Variants in SGCZ observed in about 807,000 individuals in gnomAD.
SGCZ encodes the protein zeta-sarcoglycan.
A neutral mutation model predicts 41.3 loss-of-function variants in SGCZ; 40 were observed. The observed-to-expected ratio is 0.97, with a 90% CI of 0.75 to 1.26. SGCZ has a LOEUF of 1.26. Ranked by LOEUF, SGCZ falls within the 50% of genes most tolerant of loss-of-function variation. The pLI, the probability that SGCZ is intolerant of heterozygous loss-of-function variation, is 0.00. For synonymous variants in SGCZ, 206 were observed against 137.5 expected (o/e 1.50, Z -3.49); for missense variants, 552 against 369.8 (o/e 1.49, Z -4.04).
chr8:15,166,594 T>G (rs1260849855), intron 1 of SGCZ, among the ~76,000 whole-genome samples: 1 of 152,200 alleles, frequency 6.6e-6, no homozygotes, highest in Non-Finnish European at 1.5e-5. Flanking sequence ...AATGCTAATA[T>G]ATATTGCAAA....
chr8:14,908,611 G>T (rs970491139), intron 1 of SGCZ, among the ~76,000 whole-genome samples: 2 of 151,810 alleles, frequency 1.3e-5, no homozygotes, highest in Admixed American at 1.3e-4. Context: ...TTAGCCGGGC[G>T]TGGTGACAGG....
chr8:14,611,700 T>A (rs1411983902), intron 1 of SGCZ, among the ~76,000 whole-genome samples: 1 of 152,180 alleles, frequency 6.6e-6, no homozygotes, highest in Non-Finnish European at 1.5e-5. Flanking sequence ...AGATTTTTCA[T>A]AAAGAAATAT....
intron 3 of SGCZ, among the ~76,000 whole-genome samples, chr8:14,319,915 A>G (rs1801859718): frequency 1.3e-5 from 2 of 152,182 alleles, no homozygotes; most frequent in African/African-American, 4.8e-5. Flanking sequence ...ATTCTTAACC[A>G]TAAAGACAAG....
At chr8:14,841,947 T>C (rs1563308466) in intron 1 of SGCZ, among the ~76,000 whole-genome samples, 1 of 152,134 alleles carries the variant, frequency 6.6e-6, no homozygotes, top group Admixed American at 6.5e-5. Context: ...AGAATCACCA[T>C]CTCAGAGTAC....
At chr8:14,729,086 G>A (rs1810149933) in intron 1 of SGCZ, among the ~76,000 whole-genome samples, 1 of 152,116 alleles carries the variant, frequency 6.6e-6, no homozygotes. Flanking sequence ...ATTACCATGT[G>A]ACAAATTGAT....
intron 1 of SGCZ, among the ~76,000 whole-genome samples, chr8:15,219,687 C>T (rs928016105): frequency 1.3e-5 from 2 of 152,204 alleles, no homozygotes; most frequent in East Asian, 1.9e-4. Context: ...TAAGTGAATA[C>T]AGAAGGAAAC....
intron 1 of SGCZ, among the ~76,000 whole-genome samples, chr8:15,080,017 C>T (rs1036978358): frequency 6.6e-6 from 1 of 152,154 alleles, no homozygotes; most frequent in Admixed American, 6.6e-5. Flanking sequence ...CTTCTCCAGC[C>T]GGTCCTCTAT....
intron 1 of SGCZ, among the ~76,000 whole-genome samples, chr8:14,755,226 AT>A (rs1425593702): frequency 6.6e-6 from 1 of 151,906 alleles, no homozygotes; most frequent in African/African-American, 2.4e-5. Context: ...TTCTTGTTTG[AT>A]TTTTTTAAAA....
intron 5 of SGCZ, among the ~76,000 whole-genome samples, chr8:14,127,607 T>C (rs1802903321): frequency 6.6e-6 from 1 of 151,770 alleles, no homozygotes; most frequent in Admixed American, 6.6e-5. Flanking sequence ...AGGCACCCAC[T>C]ACCACACCAG....
In SGCZ at chr8:15,009,969, A is replaced by T. The variant is rs138290390; in HGVS notation, c.39+227616T>A. On this transcript the variant is annotated intron_variant, in intron 1 of 7. Transcript: ENST00000382080. The stretch of plus-strand genomic sequence containing the variant: ...TCAAGCTTAAATATAATAAAATGTA[A>T]TAATATAGCACAAAGAGTCCGCTGC... Among the ~76,000 whole-genome samples the T allele has an allele frequency of 4.4e-3, 664 of 152,340 alleles. 6 individuals carry two copies. The highest frequency in any genetic ancestry group is 0.015 in the African/African-American group (631 of 41,584).
At chr8:14,468,512 T>C (rs1801115267) in intron 2 of SGCZ, among the ~76,000 whole-genome samples, 1 of 152,112 alleles carries the variant, frequency 6.6e-6, no homozygotes, top group Non-Finnish European at 1.5e-5. Context: ...TCTTATCTTC[T>C]AGTTTATTAG....
chr8:14,868,719 T>C (rs1804027556), intron 1 of SGCZ, among the ~76,000 whole-genome samples: 1 of 152,124 alleles, frequency 6.6e-6, no homozygotes, highest in South Asian at 2.1e-4. Flanking sequence ...TATGAACATA[T>C]CTTCTTATAA....
At chr8:14,918,217 G>C (rs538790614) in intron 1 of SGCZ, among the ~76,000 whole-genome samples, 1 of 152,130 alleles carries the variant, frequency 6.6e-6, no homozygotes, top group Admixed American at 6.5e-5. Flanking sequence ...CAATGAGACC[G>C]GCTGAATTTG....
chr8:14,747,654 A>G (rs1799373331), intron 1 of SGCZ, among the ~76,000 whole-genome samples: 1 of 108,898 alleles, frequency 9.2e-6, no homozygotes, highest in African/African-American at 3.6e-5. Context: ...GGGAAAGGGT[A>G]CAAGGCATTA....
At chr8:14,795,354 A>T (rs912684415) in intron 1 of SGCZ, among the ~76,000 whole-genome samples, 5 of 152,344 alleles carry the variant, frequency 3.3e-5, no homozygotes, top group Admixed American at 1.3e-4. Context: ...TAATTCACTT[A>T]TAATGTATGA....
intron 2 of SGCZ, among the ~76,000 whole-genome samples, chr8:14,472,480 T>C (rs879170183): frequency 1.3e-5 from 2 of 152,098 alleles, no homozygotes; most frequent in Non-Finnish European, 2.9e-5. Flanking sequence ...GTACTTACTT[T>C]TATCACTTAG....
intron 4 of SGCZ, among the ~76,000 whole-genome samples, chr8:14,237,119 A>C (rs1585263287): frequency 6.6e-6 from 1 of 152,172 alleles, no homozygotes; most frequent in East Asian, 1.9e-4. Flanking sequence ...ATGTTTCCTT[A>C]AGTTTATTTA....
intron 4 of SGCZ, among the ~76,000 whole-genome samples, chr8:14,211,460 C>T (rs17212661): frequency 0.24 from 36,202 of 152,054 alleles, 5,540 homozygotes; most frequent in Non-Finnish European, 0.34. Flanking sequence ...CTAGTATCTA[C>T]CTAAAGGTTA....
intron 1 of SGCZ, among the ~76,000 whole-genome samples, chr8:15,223,201 A>G (rs1801662063): frequency 6.6e-6 from 1 of 152,170 alleles, no homozygotes; most frequent in Admixed American, 6.5e-5. Flanking sequence ...GAAACCCAAC[A>G]CCAAAGATAC....
Sources: gnomAD v4.1 joint callset for allele counts (sites outside exome capture counted in the v4.1 genomes callset) on GRCh38, gnomAD v4.1.1 for gene constraint, MANE v1.5 for transcripts, NCBI Gene and HGNC (gene_info 2026-07-23, HGNC 2026-07-21) for gene names.